NOS1AP: variants seen among roughly 807,000 people sequenced by gnomAD.
The protein encoded by NOS1AP is nitric oxide synthase 1 adaptor protein, also known as carboxyl-terminal PDZ ligand of neuronal nitric oxide synthase protein.
NOS1AP carries 21 observed loss-of-function variants against 56.2 expected under a neutral mutation model. The observed-to-expected ratio is 0.37, with a 90% CI of 0.26 to 0.54. The LOEUF is 0.54. NOS1AP is among the 20% of genes least tolerant of loss of function. NOS1AP has a pLI of 0.84. For synonymous variants in NOS1AP, 270 were observed against 274.6 expected, an observed-to-expected ratio of 0.98 and a Z score of 0.17; for missense variants, 522 against 657.8, an observed-to-expected ratio of 0.79 and a Z score of 2.26.
In NOS1AP at chr1:162,367,204, G is replaced by C. The variant is rs1237353372; in HGVS notation, c.1258G>C (p.Gly420Arg). The C allele has an allele frequency of 6.2e-7, 1 of 1,613,946 alleles. No individual in the cohort carries two copies. Among genetic ancestry groups the C allele is most frequent in the East Asian group, 2.2e-5 (1 of 44,872 alleles). ...DFAHPAGSPL[G>R]RRDCLVKLEC... ...TGCCCACCCTGCGGGCAGCCCCTTA[G>C]GTAGGCGCGACTGCTTGGTGAAGCT... The change falls in exon 10 of 10, where the codon GGT becomes CGT. Residue 420 changes from glycine to arginine, a missense_variant. By Grantham distance (125) the Gly-to-Arg change is moderately radical. Coordinates refer to ENST00000361897, the MANE Select transcript of NOS1AP (RefSeq NM_014697.3). This position sits in a 1 kb window ranked among gnomAD's most constrained non-coding sequence, Gnocchi z 6.5.
chr1:162,293,024 C>A (rs1655328134), intron 3 of NOS1AP, among the ~76,000 whole-genome samples: 1 of 152,250 alleles, frequency 6.6e-6, no homozygotes, highest in South Asian at 2.1e-4. Flanking sequence ...TGTTTCTTGG[C>A]CTTCTTTATT....
intron 1 of NOS1AP, among the ~76,000 whole-genome samples, chr1:162,114,997 C>G (rs932984134): frequency 6.6e-6 from 1 of 152,130 alleles, no homozygotes; most frequent in Non-Finnish European, 1.5e-5. Flanking sequence ...CCATAATGGC[C>G]AAGATTCTTA....
chr1:162,269,062 C>G (rs1654509997), intron 2 of NOS1AP, among the ~76,000 whole-genome samples: 1 of 152,210 alleles, frequency 6.6e-6, no homozygotes, highest in Non-Finnish European at 1.5e-5. Context: ...CCAGGCAGAT[C>G]CAGGCAAGCC....
chr1:162,091,688 A>G (rs549079292), intron 1 of NOS1AP, among the ~76,000 whole-genome samples: 8 of 152,266 alleles, frequency 5.3e-5, no homozygotes, highest in African/African-American at 1.4e-4. Context: ...GCTTATGTGT[A>G]ATTACATTTG....
At chr1:162,212,678 A>G (rs933036892) in intron 2 of NOS1AP, among the ~76,000 whole-genome samples, 4 of 152,176 alleles carry the variant, frequency 2.6e-5, no homozygotes, top group Non-Finnish European at 5.9e-5. Flanking sequence ...TTCCTGCCCC[A>G]TGATCAGTCT....
chr1:162,098,495 G>GT (rs35614265), intron 1 of NOS1AP, among the ~76,000 whole-genome samples: 54 of 148,020 alleles, frequency 3.6e-4, no homozygotes, highest in South Asian at 8.6e-4. Context: ...TAACGGTGTC[G>GT]TTTTTTTTTT....
At chr1:162,173,159 G>A (rs561410660) in intron 2 of NOS1AP, among the ~76,000 whole-genome samples, 5 of 152,232 alleles carry the variant, frequency 3.3e-5, no homozygotes, top group South Asian at 2.1e-4. Flanking sequence ...GGCAAAAAGC[G>A]CAATTACTTT....
chr1:162,293,655 A>G (rs889320491), intron 3 of NOS1AP, among the ~76,000 whole-genome samples: 2 of 152,242 alleles, frequency 1.3e-5, no homozygotes, highest in Admixed American at 1.3e-4. Flanking sequence ...GTGGTCTTAC[A>G]AAAGCATACA....
chr1:162,265,152 G>T lies in NOS1AP; in HGVS notation c.178-22192G>T, dbSNP rs550322305. Among the ~76,000 whole-genome samples the T allele has an allele frequency of 3.3e-5, 5 of 151,846 alleles. No homozygotes were observed. The South Asian group carries it at 1.0e-3, about 32-fold the overall frequency. On this transcript the variant is annotated intron_variant, in intron 2 of 9. Transcript: ENST00000361897. ...TTTCTATCTATATTTTAAATTCTAT[G>T]TGTCACTTCCTCAGGGAAGCCTTCC...
At chr1:162,209,382 G>A (rs1652268058) in intron 2 of NOS1AP, among the ~76,000 whole-genome samples, 1 of 152,162 alleles carries the variant, frequency 6.6e-6, no homozygotes, top group Non-Finnish European at 1.5e-5. Context: ...GTAGATAGAA[G>A]GGCGATAGGA....
rs868398500 is a variant in NOS1AP at position 162,367,105 on chromosome 1, G to A, written c.1159G>A (p.Val387Met). The A allele has an allele frequency of 3.7e-6, 6 of 1,613,884 alleles. No homozygotes were observed. The highest frequency in any genetic ancestry group is 3.3e-4 in the Middle Eastern group (2 of 6,062). The stretch of plus-strand genomic sequence containing the variant: ...CACCTTCCGCTCCGGAGCCCTGCCC[G>A]TGCTCTGTGACCCCACGACCCCTAA... The part of the protein sequence containing the change: ...EITFRSGALP[V>M]LCDPTTPKPE... Residue 387 changes from valine (V) to methionine (M), a missense_variant, in exon 10 of 10, where the codon GTG (valine) becomes ATG (methionine). By Grantham distance (21) the Val-to-Met change is conservative. Transcript: ENST00000361897. This position sits in a 1 kb window ranked among gnomAD's most constrained non-coding sequence, Gnocchi z 6.5.
chr1:162,237,767 C>T (rs528125265), intron 2 of NOS1AP, among the ~76,000 whole-genome samples: 2 of 152,154 alleles, frequency 1.3e-5, no homozygotes, highest in African/African-American at 4.8e-5. Context: ...GCAGGCTTTG[C>T]GGGGACAGTG....
At chr1:162,140,190 A>C (rs1405167418) in intron 1 of NOS1AP, among the ~76,000 whole-genome samples, 1 of 152,170 alleles carries the variant, frequency 6.6e-6, no homozygotes, top group Non-Finnish European at 1.5e-5. Flanking sequence ...CTTTGCCTGC[A>C]GGCCCTCTGT....
At chr1:162,364,960 T>C in intron 8 of NOS1AP, 1 of 1,032,412 alleles carries the variant, frequency 9.7e-7, no homozygotes, top group Non-Finnish European at 1.2e-6. Context: ...TTTTGTTTTT[T>C]AGAAGACAGG....
At chr1:162,200,058 C>T (rs910754818) in intron 2 of NOS1AP, among the ~76,000 whole-genome samples, 1 of 152,102 alleles carries the variant, frequency 6.6e-6, no homozygotes, top group Non-Finnish European at 1.5e-5. Flanking sequence ...ATTTCACTTC[C>T]TTGGCTTGGG....
intron 2 of NOS1AP, among the ~76,000 whole-genome samples, chr1:162,223,463 G>C (rs1465446595): frequency 6.6e-6 from 1 of 152,158 alleles, no homozygotes; most frequent in Non-Finnish European, 1.5e-5. Context: ...ATTAAGGACA[G>C]GTCGGCAGAA....
chr1:162,257,102 G>A (rs1444824013), intron 2 of NOS1AP, among the ~76,000 whole-genome samples: 1 of 152,136 alleles, frequency 6.6e-6, no homozygotes, highest in Non-Finnish European at 1.5e-5. Flanking sequence ...AAGGGCATAT[G>A]GGTATCCAAG....
Position 162,343,873 on chromosome 1 carries a change from C to T in NOS1AP, c.492C>T (p.Ala164=), listed in dbSNP as rs755545270. ...GAATCGTTCGGACGGTGGGGCAGGCCTTTGAGGTCTGCCACAAGCTGAGCC... is the reference window on the plus strand; with the variant it reads ...GAATCGTTCGGACGGTGGGGCAGGCTTTTGAGGTCTGCCACAAGCTGAGCC... ...AMRIVRTVGQ[A]FEVCHKLSLQ... is the part of the protein sequence containing the mutation. Residue 164 remains alanine, a synonymous_variant, in exon 6 of 10, where the codon GCC becomes GCT. Coordinates refer to ENST00000361897, the MANE Select transcript of NOS1AP (RefSeq NM_014697.3). 10 of 1,614,010 alleles carry T rather than the reference C, an allele frequency of 6.2e-6. No individual in the cohort carries two copies. Among genetic ancestry groups the T allele is most frequent in the African/African-American group, 1.3e-5 (1 of 74,902 alleles).
In NOS1AP at chr1:162,359,720, G is replaced by C. The variant is rs976752866; in HGVS notation, c.939+2584G>C. ...TATAGCAAGCTTGGTTTCTCTACGC[G>C]GGGGGGGGCTGATTTCAGTTTCCAG... On this transcript the variant is annotated intron_variant, in intron 8 of 9. Coordinates refer to ENST00000361897, the MANE Select transcript of NOS1AP (RefSeq NM_014697.3). 3.2e-5 allele frequency among the ~76,000 whole-genome samples: 3 copies of C among 94,690 alleles called. No homozygotes were observed. In the East Asian group the frequency reaches 7.3e-4, roughly 23 times the overall value. The allele number at this position is 94,690 out of a possible 152,430, so 62.1% of individuals were successfully genotyped here.
Sources: allele counts gnomAD v4.1 joint callset (sites outside exome capture counted in the v4.1 genomes callset), GRCh38; gene constraint gnomAD v4.1.1; non-coding constraint Gnocchi (gnomAD v3.1); transcripts MANE v1.5; gene names NCBI Gene and HGNC (gene_info 2026-07-23, HGNC 2026-07-21).